The following PKIG variants were observed in gnomAD, a reference collection of about 807,000 sequenced individuals.
PKIG encodes the protein cAMP-dependent protein kinase inhibitor gamma, also known as protein kinase (cAMP-dependent, catalytic) inhibitor gamma.
Under a neutral mutation model 6.8 loss-of-function variants are expected in PKIG, and 1 was observed. That is an observed-to-expected ratio of 0.15 (90% CI 0.05 to 0.69). PKIG has a LOEUF of 0.69. Ranked by LOEUF, PKIG falls within the 30% of genes least tolerant of loss-of-function variation. The pLI is 0.82. For synonymous variants in PKIG, 39 were observed against 43.0 expected (o/e 0.91, Z 0.36); for missense variants, 77 against 104.0 (o/e 0.74, Z 1.13).
chr20:44,603,682 C>T (rs1051877809), intron 2 of PKIG, among the ~76,000 whole-genome samples: 1 of 152,174 alleles, frequency 6.6e-6, no homozygotes, highest in African/African-American at 2.4e-5. Flanking sequence ...TCTAGATGAG[C>T]TCTGGGATGT....
chr20:44,577,477 C>T (rs1230059012), intron 1 of PKIG, among the ~76,000 whole-genome samples: 1 of 152,124 alleles, frequency 6.6e-6, no homozygotes, highest in Non-Finnish European at 1.5e-5. Context: ...TCTCTGGGGC[C>T]TTACACCAGG....
At chr20:44,600,755 A>C (rs1470073588) in intron 2 of PKIG, among the ~76,000 whole-genome samples, 1 of 151,292 alleles carries the variant, frequency 6.6e-6, no homozygotes, top group Non-Finnish European at 1.5e-5. Flanking sequence ...GGTGAAGAAG[A>C]AGCGAGGTCA....
chr20:44,561,076 G>C (rs371987529), intron 1 of PKIG, among the ~76,000 whole-genome samples: 10 of 152,336 alleles, frequency 6.6e-5, no homozygotes, highest in East Asian at 1.9e-4. Flanking sequence ...GATGGCTCAC[G>C]CCTGTAATCC....
At chr20:44,552,527 A>G (rs1383995991) in intron 1 of PKIG, among the ~76,000 whole-genome samples, 2 of 151,556 alleles carry the variant, frequency 1.3e-5, no homozygotes, top group East Asian at 3.9e-4. Context: ...GCTCAGGGTA[A>G]TTCATATATA....
At chr20:44,570,186 T>TA (rs1408169120) in intron 1 of PKIG, among the ~76,000 whole-genome samples, 1 of 152,198 alleles carries the variant, frequency 6.6e-6, no homozygotes, top group East Asian at 1.9e-4. Flanking sequence ...AGCCAGGTAC[T>TA]ATGCATAGTC....
intron 1 of PKIG, among the ~76,000 whole-genome samples, chr20:44,585,786 T>C (rs1176726749): frequency 6.6e-6 from 1 of 152,252 alleles, no homozygotes; most frequent in Non-Finnish European, 1.5e-5. Flanking sequence ...CCCTGTGCCC[T>C]CTAGTCTCCT....
rs147637313 is a variant in PKIG, at chr20:44,596,506, AC to A, written c.-24+6641del. On this transcript the variant is annotated intron_variant, in intron 2 of 3. Transcript: ENST00000372886. Reference sequence around the variant, plus strand: ...AATGATGTTAATGTGGGCCAGAGGTACGGATGACATCTACACTCTGCTCAAG... The same window carrying A: ...AATGATGTTAATGTGGGCCAGAGGTAGGATGACATCTACACTCTGCTCAAG... Among the ~76,000 whole-genome samples the A allele has an allele frequency of 6.0e-3, 909 of 152,348 alleles. 6 individuals are homozygous for A. The highest frequency in any genetic ancestry group is 0.019 in the African/African-American group (794 of 41,582).
At chr20:44,546,570 T>TTTTTTTTTTTTG (rs1568804725) in intron 1 of PKIG, among the ~76,000 whole-genome samples, 1 of 151,542 alleles carries the variant, frequency 6.6e-6, no homozygotes, top group African/African-American at 2.4e-5. Context: ...CTTTTTTTTT[T>TTTTTTTTTTTTG]GAGACAGAGT....
intron 1 of PKIG, among the ~76,000 whole-genome samples, chr20:44,576,009 T>A (rs574348476): frequency 7.2e-5 from 11 of 152,338 alleles, no homozygotes; most frequent in Admixed American, 1.3e-4. Flanking sequence ...CTCTCTGAAC[T>A]TTTTCTATCT....
intron 2 of PKIG, among the ~76,000 whole-genome samples, chr20:44,602,989 G>C (rs1417205690): frequency 1.3e-5 from 2 of 152,198 alleles, no homozygotes; most frequent in African/African-American, 4.8e-5. Context: ...CCACTGTTAT[G>C]ATGCAGGGCC....
At chr20:44,610,500 T>TCTCTCACACACACACACACACACA (rs1555841182) in intron 2 of PKIG, among the ~76,000 whole-genome samples, 1 of 135,420 alleles carries the variant, frequency 7.4e-6, no homozygotes, top group African/African-American at 3.0e-5. Flanking sequence ...TCTCTCTCTC[T>TCTCTCACACACACACACACACACA]CACACACACA....
At chr20:44,584,309 G>A (rs1286768024) in intron 1 of PKIG, among the ~76,000 whole-genome samples, 2 of 151,914 alleles carry the variant, frequency 1.3e-5, no homozygotes, top group African/African-American at 4.8e-5. Flanking sequence ...TAGAAAGCCT[G>A]GCACATAGGT....
At chr20:44,593,599 A>G (rs548282117) in intron 2 of PKIG, among the ~76,000 whole-genome samples, 79 of 152,272 alleles carry the variant, frequency 5.2e-4, no homozygotes, top group African/African-American at 1.9e-3. Flanking sequence ...GAGAGAGTAG[A>G]AGGGTTGTTG....
At chr20:44,577,500 C>T (rs144509015) in intron 1 of PKIG, among the ~76,000 whole-genome samples, 70 of 152,122 alleles carry the variant, frequency 4.6e-4, no homozygotes, top group African/African-American at 1.4e-3. Flanking sequence ...TGTGGTGAGA[C>T]GATGTATTGT....
At chr20:44,616,276 C>T (rs1232309782) in intron 3 of PKIG, among the ~76,000 whole-genome samples, 1 of 152,180 alleles carries the variant, frequency 6.6e-6, no homozygotes, top group Non-Finnish European at 1.5e-5. Context: ...CATGAGCCCA[C>T]TGAGCATAAT....
At chr20:44,601,726 A>G (rs774961762) in intron 2 of PKIG, among the ~76,000 whole-genome samples, 2 of 152,350 alleles carry the variant, frequency 1.3e-5, no homozygotes, top group South Asian at 4.1e-4. Context: ...GTCTTCTGCA[A>G]AAGTCTGTTT....
intron 3 of PKIG, among the ~76,000 whole-genome samples, chr20:44,615,549 A>G (rs1007128451): frequency 1.5e-5 from 2 of 137,020 alleles, no homozygotes; most frequent in Non-Finnish European, 3.1e-5. Flanking sequence ...CCCTTGGCTC[A>G]AGTCCACAGT....
intron 1 of PKIG, among the ~76,000 whole-genome samples, chr20:44,533,048 G>A (rs115741019): frequency 8.9e-4 from 136 of 152,256 alleles, no homozygotes; most frequent in African/African-American, 3.2e-3. Flanking sequence ...TAAGCCGGAG[G>A]TGTGTGTCTT....
intron 1 of PKIG, among the ~76,000 whole-genome samples, chr20:44,551,140 G>A (rs1336549899): frequency 4.0e-5 from 6 of 151,740 alleles, no homozygotes; most frequent in African/African-American, 1.5e-4. Flanking sequence ...TGCAAGCTTC[G>A]CCTCCCGGGT....
Sources: allele counts gnomAD v4.1 joint callset (sites outside exome capture counted in the v4.1 genomes callset), GRCh38; gene constraint gnomAD v4.1.1; transcripts MANE v1.5; gene names NCBI Gene and HGNC (gene_info 2026-07-23, HGNC 2026-07-21).